Variants in CES1 observed in about 807,000 individuals in gnomAD.
The protein encoded by CES1 is liver carboxylesterase 1.
In CES1, 50 loss-of-function variants were observed where a neutral mutation model predicts 53.0. The observed-to-expected ratio is 0.94, with a 90% CI of 0.75 to 1.19. The LOEUF is 1.19. Ranked by LOEUF, CES1 falls within the 50% of genes most tolerant of loss-of-function variation. The probability of loss-of-function intolerance (pLI) is 0.00; values close to 1 mark genes in which losing one functional copy is unlikely to be tolerated. For synonymous variants in CES1, 202 were observed against 210.1 expected, an observed-to-expected ratio of 0.96 and a Z score of 0.33; for missense variants, 534 against 538.0, an observed-to-expected ratio of 0.99 and a Z score of 0.07.
intron 8 of CES1, 92 bp downstream of exon 8, chr16:55,816,832 T>C (rs1178462778): frequency 7.0e-7 from 1 of 1,427,282 alleles, no homozygotes; most frequent in Non-Finnish European, 9.9e-7. Context: ...GTTACTATAA[T>C]TACCCAAGAG....
chr16:55,816,174 C>A (rs141209195), intron 8 of CES1, among the ~76,000 whole-genome samples: 36 of 152,264 alleles, frequency 2.4e-4, no homozygotes, highest in Non-Finnish European at 5.0e-4. Flanking sequence ...CACCATCAAA[C>A]GGAATACATA....
intron 6 of CES1, chr16:55,819,954 T>G (rs1254292108): frequency 1.8e-6 from 1 of 551,614 alleles, no homozygotes; most frequent in Non-Finnish European, 3.3e-6. Flanking sequence ...GAATCCTGAA[T>G]TTCCTTGTCT....
chr16:55,812,960 G>C lies in CES1; in HGVS notation c.1029C>G (p.His343Gln), dbSNP rs374924526. Residue 343 changes from histidine (H) to glutamine (Q), a missense_variant, in exon 9 of 14, where the codon CAC becomes CAG. His to Gln is a conservative substitution (Grantham distance 24). Around this residue, in one of 5 missense-constraint regions of CES1, gnomAD observed 269 missense variants for 206.6 expected, o/e 1.30. Transcript: ENST00000360526. ...TAATTCCGACCATGTAGGGGACAGT[G>C]TGGAAATTCCTTTCAGCTTGAAGCT... ...PEELQAERNF[H>Q]TVPYMVGINK... The C allele has an allele frequency of 6.6e-5, 107 of 1,613,972 alleles. 1 individual carries two copies. The highest frequency in any genetic ancestry group is 8.6e-5 in the Non-Finnish European group (101 of 1,179,964).
chr16:55,827,243 A>G (rs1200434116), intron 2 of CES1, among the ~76,000 whole-genome samples: 2 of 150,554 alleles, frequency 1.3e-5, no homozygotes, highest in Non-Finnish European at 3.0e-5. Flanking sequence ...ATCCTGGGAA[A>G]TTTTCCTAAG....
chr16:55,813,982 A>G (rs146796664), intron 8 of CES1, among the ~76,000 whole-genome samples: 61 of 152,350 alleles, frequency 4.0e-4, no homozygotes, highest in African/African-American at 1.4e-3. Flanking sequence ...TGACCATGAA[A>G]GTGCCACCAG....
intron 11 of CES1, among the ~76,000 whole-genome samples, chr16:55,809,568 C>A (rs1597064024): frequency 6.6e-6 from 1 of 152,224 alleles, no homozygotes; most frequent in African/African-American, 2.4e-5. Context: ...CATGCCCCAC[C>A]CACACAGCCT....
At position 55,823,552 on chromosome 16, in the gene CES1, G is replaced by A. The variant is rs2032293220; in HGVS notation, c.537C>T (p.Phe179=). 6.2e-7 allele frequency: 1 copy of A among 1,611,560 alleles called. No individual in the cohort carries two copies. The highest frequency in any genetic ancestry group is 1.7e-5 in the Admixed American group (1 of 59,986). The change falls in exon 4 of 14, where the codon TTC becomes TTT. Residue 179 remains phenylalanine, a splice_region_variant and synonymous_variant. Transcript: ENST00000360526. ...GTGAGGAGAGTCCGATTTCTTACCT[G>A]AAGAATCCCCAGATGCCCAGGCGAT... ...IQYRLGIWGF[F]STGDEHSRGN...
chr16:55,824,929 C>A (rs2032357921), intron 3 of CES1, among the ~76,000 whole-genome samples: 1 of 152,202 alleles, frequency 6.6e-6, no homozygotes, highest in South Asian at 2.1e-4. Flanking sequence ...GTTCCCAGAG[C>A]CCTTGTTTCT....
At chr16:55,810,756 T>G (rs1225929647) in intron 10 of CES1, 92 bp from the exon 11 acceptor site, 1 of 1,526,000 alleles carries the variant, frequency 6.6e-7, no homozygotes, top group Admixed American at 1.7e-5. Context: ...GTGAACCCCA[T>G]AAGCCCTGTG....
At chr16:55,815,585 T>TC (rs1405732576) in intron 8 of CES1, among the ~76,000 whole-genome samples, 1 of 152,158 alleles carries the variant, frequency 6.6e-6, no homozygotes. Context: ...CCTCCACTCC[T>TC]CCCCGTTTCT....
rs374346761 is a variant in CES1, at chr16:55,828,595, CAT to C, written c.260+170_260+171del. 4.9e-3 allele frequency among the ~76,000 whole-genome samples: 739 copies of C among 150,988 alleles called. 19 individuals are homozygous for C. Among genetic ancestry groups the C allele is most frequent in the African/African-American group, 0.017 (694 of 40,292 alleles). On this transcript the variant is annotated intron_variant, in intron 2 of 13. Transcript: ENST00000360526. ...TGGCACACAGCAGGTGCTCAATAAA[CAT>C]GTGTTAAATAATGGACTCCAGAATG...
intron 2 of CES1, 85 bp downstream of exon 2, chr16:55,828,682 A>C: frequency 6.8e-7 from 1 of 1,469,838 alleles, no homozygotes; most frequent in Non-Finnish European, 9.5e-7. Context: ...TCCAGAGCAA[A>C]GGATCAGCCC....
At chr16:55,819,831 G>T (rs1277436304) in intron 6 of CES1, among the ~76,000 whole-genome samples, 192 bp from the exon 7 acceptor site, 3 of 152,192 alleles carry the variant, frequency 2.0e-5, no homozygotes, top group African/African-American at 7.2e-5. Context: ...ATTGTAACAT[G>T]GGTCAATTAT....
At chr16:55,830,680 G>A (rs2032604436) in intron 1 of CES1, among the ~76,000 whole-genome samples, 1 of 151,710 alleles carries the variant, frequency 6.6e-6, no homozygotes, top group South Asian at 2.1e-4. Context: ...GCATGTGCCT[G>A]TAATCCTGGC....
rs765941458 is a variant in CES1, at chr16:55,816,929, T to C, written c.940A>G (p.Arg314Gly). The change falls in exon 8 of 14, where the codon AGA becomes GGA. Residue 314 changes from arginine to glycine, a missense_variant. Arg to Gly is a moderately radical substitution (Grantham distance 125). Coordinates refer to ENST00000360526, the MANE Select transcript of CES1 (RefSeq NM_001025195.2). Reference protein sequence around the residue: ...FLSLDLQGDPRESQPLLGTVI... With the variant: ...FLSLDLQGDPGESQPLLGTVI... ...CAGAAACAAAAGGTCCTTACCTCTCTGGGGTCTCCCTGTAAGTCCAGAGAT... is the reference window on the plus strand; with the variant it reads ...CAGAAACAAAAGGTCCTTACCTCTCCGGGGTCTCCCTGTAAGTCCAGAGAT... 9.9e-6 allele frequency: 16 copies of C among 1,614,078 alleles called. No homozygotes were observed. Among genetic ancestry groups the C allele is most frequent in the Non-Finnish European group, 1.3e-5 (15 of 1,179,934 alleles).
chr16:55,810,049 C>T (rs1203506009), intron 11 of CES1, among the ~76,000 whole-genome samples: 1 of 152,170 alleles, frequency 6.6e-6, no homozygotes, highest in Non-Finnish European at 1.5e-5. Context: ...TGCAGCAGGT[C>T]GAAGTCACAG....
At chr16:55,817,355 C>T (rs61377007) in intron 7 of CES1, among the ~76,000 whole-genome samples, 11 of 152,306 alleles carry the variant, frequency 7.2e-5, no homozygotes, top group African/African-American at 2.2e-4. Context: ...ATCATCTGGA[C>T]CCAGCCATGC....
At position 55,821,537 on chromosome 16, in the gene CES1, C is replaced by A; in HGVS notation, c.540-16G>T. On this transcript the variant is annotated splice_polypyrimidine_tract_variant and intron_variant, in intron 4 of 13. Transcript: ENST00000360526. ...ATCCCCTGTGCTGTGAGGAAGAGAA[C>A]AGGTTGAGGGTGGGGAGCAGAGATG... The A allele has an allele frequency of 6.2e-7, 1 of 1,614,092 alleles. No individual in the cohort carries two copies. Among genetic ancestry groups the A allele is most frequent in the East Asian group, 2.2e-5 (1 of 44,872 alleles).
chr16:55,813,016 C>A lies in CES1; in HGVS notation c.973G>T (p.Asp325Tyr). The change falls in exon 9 of 14, where the codon GAT becomes TAT. Residue 325 changes from aspartate to tyrosine, a missense_variant. Physicochemically the swap from Asp to Tyr is radical, Grantham distance 160. Around this residue, in one of 5 missense-constraint regions of CES1, gnomAD observed 269 missense variants for 206.6 expected, o/e 1.30. Transcript: ENST00000360526. The stretch of plus-strand genomic sequence containing the variant: ...GGTGTTTTCAGCAGCAGCATCCCAT[C>A]AATCACAGTGCCCAGAAGGGGTTGA... ...ESQPLLGTVI[D>Y]GMLLLKTPEE... 1 of 1,614,042 alleles carries A rather than the reference C, an allele frequency of 6.2e-7. No homozygotes were observed.
Sources: gnomAD v4.1 joint callset for allele counts (sites outside exome capture counted in the v4.1 genomes callset) on GRCh38, gnomAD v4.1.1 for gene constraint, gnomAD v4.1.1 regional missense constraint, MANE v1.5 for transcripts, NCBI Gene and HGNC (gene_info 2026-07-23, HGNC 2026-07-21) for gene names.